Variants in LRRC4C observed in about 807,000 individuals in gnomAD.
LRRC4C encodes leucine-rich repeat-containing protein 4C.
Under a neutral mutation model 33.6 loss-of-function variants are expected in LRRC4C, and 5 were observed. That is an observed-to-expected ratio of 0.15 (90% CI 0.08 to 0.31). The LOEUF (loss-of-function observed/expected upper bound fraction) is 0.31, where lower values mean the gene tolerates loss of function less well. Ranked by LOEUF, LRRC4C falls within the 10% of genes least tolerant of loss-of-function variation. The pLI is 1.00. For missense variants in LRRC4C, 560 were observed against 796.7 expected (o/e 0.70, Z 3.58); for synonymous variants, 329 against 302.0 (o/e 1.09, Z -0.93).
At chr11:41,039,787 A>G (rs1857315102) in intron 1 of LRRC4C, among the ~76,000 whole-genome samples, 2 of 152,078 alleles carry the variant, frequency 1.3e-5, no homozygotes, top group African/African-American at 4.8e-5. Flanking sequence ...ACTACTTGCT[A>G]TTTGATACCA....
At chr11:40,664,102 AG>A (rs1197789080) in intron 2 of LRRC4C, among the ~76,000 whole-genome samples, 10 of 152,230 alleles carry the variant, frequency 6.6e-5, no homozygotes, top group Non-Finnish European at 1.5e-4. Context: ...CATACATAGG[AG>A]AAATTATACT....
At chr11:40,773,806 C>T (rs1183312189) in intron 2 of LRRC4C, among the ~76,000 whole-genome samples, 1 of 151,886 alleles carries the variant, frequency 6.6e-6, no homozygotes, top group Non-Finnish European at 1.5e-5. Context: ...TATAACTGTA[C>T]TACAGGTTTT....
chr11:41,224,170 G>T (rs1321766301), intron 1 of LRRC4C, among the ~76,000 whole-genome samples: 2 of 152,130 alleles, frequency 1.3e-5, no homozygotes, highest in Non-Finnish European at 2.9e-5. Context: ...TAATAAGAGA[G>T]AATTACCTGC....
At chr11:40,695,355 G>A (rs1176370702) in intron 2 of LRRC4C, among the ~76,000 whole-genome samples, 1 of 151,874 alleles carries the variant, frequency 6.6e-6, no homozygotes, top group Non-Finnish European at 1.5e-5. Flanking sequence ...ATCTTTCTTT[G>A]CCAGAACATC....
intron 3 of LRRC4C, among the ~76,000 whole-genome samples, chr11:40,502,955 C>T (rs1954850036): frequency 6.6e-6 from 1 of 152,088 alleles, no homozygotes; most frequent in African/African-American, 2.4e-5. Context: ...ATCTGAAAAC[C>T]ACCCACAACG....
chr11:40,607,176 A>C (rs1454200867), intron 3 of LRRC4C, among the ~76,000 whole-genome samples: 2 of 152,174 alleles, frequency 1.3e-5, no homozygotes, highest in East Asian at 3.9e-4. Flanking sequence ...GGAGTTTATC[A>C]CCACTAGACC....
intron 2 of LRRC4C, among the ~76,000 whole-genome samples, chr11:40,773,465 T>C (rs1949846239): frequency 1.3e-5 from 2 of 148,710 alleles, no homozygotes; most frequent in South Asian, 4.3e-4. Context: ...ATATCTCATG[T>C]ACCCCAGAAA....
At chr11:40,276,456 G>A (rs1260568482) in intron 4 of LRRC4C, among the ~76,000 whole-genome samples, 1 of 152,128 alleles carries the variant, frequency 6.6e-6, no homozygotes, top group Non-Finnish European at 1.5e-5. Flanking sequence ...TATATTCTTT[G>A]TAGAGAAGGT....
intron 5 of LRRC4C, among the ~76,000 whole-genome samples, chr11:40,158,476 T>A (rs58710251): frequency 6.6e-6 from 1 of 152,064 alleles, no homozygotes; most frequent in Non-Finnish European, 1.5e-5. Context: ...TGGTATGCAA[T>A]TGGGTCTTTA....
chr11:41,090,904 G>A (rs1940368149), intron 1 of LRRC4C, among the ~76,000 whole-genome samples: 1 of 152,084 alleles, frequency 6.6e-6, no homozygotes, highest in Non-Finnish European at 1.5e-5. Flanking sequence ...AGAACTGTGA[G>A]TCTTTTAAAA....
chr11:40,508,362 A>G (rs145374522), intron 3 of LRRC4C, among the ~76,000 whole-genome samples: 1 of 152,266 alleles, frequency 6.6e-6, no homozygotes, highest in Non-Finnish European at 1.5e-5. Context: ...CAAAAAACAG[A>G]GGTAGACAGA....
chr11:41,148,113 G>T (rs1330389706), intron 1 of LRRC4C, among the ~76,000 whole-genome samples: 1 of 152,004 alleles, frequency 6.6e-6, no homozygotes, highest in East Asian at 1.9e-4. Context: ...CCGCCTCCCA[G>T]GTCCAAACAA....
At chr11:41,107,012 T>TAA (rs58432273) in intron 1 of LRRC4C, among the ~76,000 whole-genome samples, 1 of 149,106 alleles carries the variant, frequency 6.7e-6, no homozygotes, top group South Asian at 2.1e-4. Context: ...ACCTCATCTT[T>TAA]AAAAAAAAAA....
intron 1 of LRRC4C, among the ~76,000 whole-genome samples, chr11:41,328,101 G>A (rs1284106664): frequency 6.6e-6 from 1 of 152,258 alleles, no homozygotes; most frequent in African/African-American, 2.4e-5. Context: ...TCTCCTGTGT[G>A]CACAGAAGCA....
chr11:40,652,044 T>A (rs1230148700), intron 2 of LRRC4C, among the ~76,000 whole-genome samples: 1 of 152,150 alleles, frequency 6.6e-6, no homozygotes, highest in East Asian at 1.9e-4. Context: ...GGGATAGATA[T>A]TATTGAATAT....
At chr11:40,195,008 G>A (rs1481269472) in intron 5 of LRRC4C, among the ~76,000 whole-genome samples, 2 of 151,668 alleles carry the variant, frequency 1.3e-5, no homozygotes, top group African/African-American at 2.4e-5. Context: ...GGAGAATTGC[G>A]TGAACCCGGG....
intron 1 of LRRC4C, among the ~76,000 whole-genome samples, chr11:41,316,271 AAAAAAAAAC>A (rs1331996756): frequency 4.7e-5 from 7 of 149,418 alleles, no homozygotes; most frequent in African/African-American, 1.5e-4. Context: ...GCAAAAAAAA[AAAAAAAAAC>A]AAAAAAAAAC....
At chr11:40,267,508 C>T (rs1336806499) in intron 4 of LRRC4C, among the ~76,000 whole-genome samples, 1 of 152,104 alleles carries the variant, frequency 6.6e-6, no homozygotes, top group Non-Finnish European at 1.5e-5. Flanking sequence ...CCCGCCACCA[C>T]ACCCGGCTAA....
At chr11:41,230,322 A>G (rs1947728443) in intron 1 of LRRC4C, among the ~76,000 whole-genome samples, 1 of 152,090 alleles carries the variant, frequency 6.6e-6, no homozygotes, top group East Asian at 1.9e-4. Flanking sequence ...TCCCTCAGAA[A>G]TACCTTGGAA....
Sources: gnomAD v4.1 joint callset for allele counts (sites outside exome capture counted in the v4.1 genomes callset) on GRCh38, gnomAD v4.1.1 for gene constraint, MANE v1.5 for transcripts, NCBI Gene and HGNC (gene_info 2026-07-23, HGNC 2026-07-21) for gene names.